The following DPP10 variants were observed in gnomAD, a reference collection of about 807,000 sequenced individuals.
DPP10 encodes the protein dipeptidyl peptidase like 10, also known as inactive dipeptidyl peptidase 10.
In DPP10, 33 loss-of-function variants were observed where a neutral mutation model predicts 120.9. That is an observed-to-expected ratio of 0.27 (90% CI 0.21 to 0.37). The LOEUF is 0.37. Ranked by LOEUF, DPP10 falls within the 10% of genes least tolerant of loss-of-function variation. The pLI is 1.00. For synonymous variants in DPP10, 337 were observed against 326.1 expected (o/e 1.03, Z -0.36); for missense variants, 816 against 942.8 (o/e 0.87, Z 1.76).
At position 115,806,920 on chromosome 2, in the gene DPP10, A is replaced by G. The variant is rs541846382; in HGVS notation, c.1701-7873A>G. 1.8e-4 allele frequency among the ~76,000 whole-genome samples: 27 copies of G among 152,134 alleles called. No individual in the cohort carries two copies. In the South Asian group the frequency reaches 5.2e-3, roughly 29 times the overall value. On this transcript the variant is annotated intron_variant, in intron 19 of 25. Transcript: ENST00000410059. The stretch of plus-strand genomic sequence containing the variant: ...CCAAAGTGGACCTGCTGCATAGGAG[A>G]GTCACATTGCAGTTATGTGCACGTG...
intron 5 of DPP10, among the ~76,000 whole-genome samples, chr2:115,605,909 A>C (rs2083677167): frequency 6.6e-6 from 1 of 152,122 alleles, no homozygotes; most frequent in African/African-American, 2.4e-5. Context: ...CAGATTCACA[A>C]AGAAATCCAA....
intron 19 of DPP10, among the ~76,000 whole-genome samples, chr2:115,796,042 C>T (rs551624852): frequency 3.3e-5 from 5 of 152,196 alleles, no homozygotes; most frequent in South Asian, 2.1e-4. Flanking sequence ...TAAAGCTCTG[C>T]GTTTTCCCTC....
intron 1 of DPP10, among the ~76,000 whole-genome samples, chr2:114,640,262 C>T (rs1050239501): frequency 6.6e-6 from 1 of 151,852 alleles, no homozygotes; most frequent in Non-Finnish European, 1.5e-5. Flanking sequence ...TTGGCTGTGT[C>T]CTGGAACGCT....
At chr2:114,971,228 TG>T (rs1699373143) in intron 1 of DPP10, among the ~76,000 whole-genome samples, 1 of 152,186 alleles carries the variant, frequency 6.6e-6, no homozygotes, top group African/African-American at 2.4e-5. Context: ...AGGTCACATT[TG>T]GATACTATGA....
chr2:114,810,205 T>A (rs1303400090), intron 1 of DPP10, among the ~76,000 whole-genome samples: 1 of 152,210 alleles, frequency 6.6e-6, no homozygotes, highest in Non-Finnish European at 1.5e-5. Context: ...TGGTTTACTT[T>A]ATTATCATAA....
chr2:115,662,779 C>T (rs62157877), intron 5 of DPP10, among the ~76,000 whole-genome samples: 11,772 of 152,150 alleles, frequency 0.077, 645 homozygotes, highest in Non-Finnish European at 0.11. Flanking sequence ...GTCAAGAATT[C>T]TGGTATGGCC....
intron 1 of DPP10, among the ~76,000 whole-genome samples, chr2:114,526,624 A>T (rs949354680): frequency 3.3e-5 from 5 of 152,150 alleles, no homozygotes; most frequent in African/African-American, 1.2e-4. Context: ...CAAGCTCAAG[A>T]TATGGCAGAT....
intron 1 of DPP10, among the ~76,000 whole-genome samples, chr2:115,054,785 G>A (rs186133291): frequency 6.6e-6 from 1 of 152,156 alleles, no homozygotes; most frequent in Non-Finnish European, 1.5e-5. Context: ...GTGGCACACA[G>A]CTTGTAATCC....
At chr2:114,860,310 T>G (rs1689711315) in intron 1 of DPP10, among the ~76,000 whole-genome samples, 1 of 152,214 alleles carries the variant, frequency 6.6e-6, no homozygotes, top group African/African-American at 2.4e-5. Flanking sequence ...TGCCACATAT[T>G]GCACCAGAAG....
At chr2:114,836,667 G>A (rs907628384) in intron 1 of DPP10, among the ~76,000 whole-genome samples, 1 of 152,104 alleles carries the variant, frequency 6.6e-6, no homozygotes, top group Non-Finnish European at 1.5e-5. Context: ...CAGGGGACAG[G>A]GTTTGAGAGC....
chr2:114,466,768 G>T (rs924618683), intron 1 of DPP10, among the ~76,000 whole-genome samples: 9 of 152,198 alleles, frequency 5.9e-5, no homozygotes, highest in African/African-American at 1.9e-4. Context: ...CCTTGGCAGG[G>T]CGCGATGGCT....
At chr2:115,124,588 GA>G (rs2049981742) in intron 1 of DPP10, among the ~76,000 whole-genome samples, 1 of 152,138 alleles carries the variant, frequency 6.6e-6, no homozygotes, top group African/African-American at 2.4e-5. Flanking sequence ...TTTACTATGT[GA>G]CATTATTATG....
chr2:114,604,209 T>A (rs1205425373), intron 1 of DPP10, among the ~76,000 whole-genome samples: 2 of 151,974 alleles, frequency 1.3e-5, no homozygotes, highest in Non-Finnish European at 2.9e-5. Context: ...CCATATGGTT[T>A]GCATAAACAG....
chr2:114,607,865 C>T (rs975975819), intron 1 of DPP10, among the ~76,000 whole-genome samples: 1 of 152,222 alleles, frequency 6.6e-6, no homozygotes, highest in Non-Finnish European at 1.5e-5. Context: ...CAACCCCAAA[C>T]TATTGTTTCT....
chr2:114,633,276 G>GATGT, intron 1 of DPP10, among the ~76,000 whole-genome samples: 1 of 97,694 alleles, frequency 1.0e-5, no homozygotes, highest in African/African-American at 4.5e-5. Context: ...TTTTTTGACA[G>GATGT]AGTCTCGCTC....
chr2:114,853,232 T>A (rs1314137991), intron 1 of DPP10, among the ~76,000 whole-genome samples: 1 of 152,178 alleles, frequency 6.6e-6, no homozygotes, highest in Non-Finnish European at 1.5e-5. Context: ...ATAACTTGAT[T>A]GAGGTGACTG....
chr2:115,169,967 A>G (rs1027341312), intron 1 of DPP10, among the ~76,000 whole-genome samples: 11 of 152,168 alleles, frequency 7.2e-5, no homozygotes, highest in African/African-American at 2.2e-4. Flanking sequence ...TCCATCTGAG[A>G]AAGTCTGCTC....
At chr2:115,677,416 T>C (rs2090349559) in intron 5 of DPP10, among the ~76,000 whole-genome samples, 1 of 151,938 alleles carries the variant, frequency 6.6e-6, no homozygotes, top group African/African-American at 2.4e-5. Flanking sequence ...GGAGTAAGTT[T>C]TTCCCAGTCA....
intron 1 of DPP10, among the ~76,000 whole-genome samples, chr2:115,260,866 T>G (rs2059222500): frequency 6.6e-6 from 1 of 152,148 alleles, no homozygotes; most frequent in African/African-American, 2.4e-5. Context: ...TTCATTCAAT[T>G]TGGAAATTAA....
Sources: gnomAD v4.1 joint callset for allele counts (sites outside exome capture counted in the v4.1 genomes callset) on GRCh38, gnomAD v4.1.1 for gene constraint, MANE v1.5 for transcripts, NCBI Gene and HGNC (gene_info 2026-07-23, HGNC 2026-07-21) for gene names.